DIAPH3: variants seen among roughly 807,000 people sequenced by gnomAD.
DIAPH3 encodes diaphanous related formin 3.
A neutral mutation model predicts 144.3 loss-of-function variants in DIAPH3; 117 were observed. The ratio of observed to expected loss-of-function variants is 0.81; its 90% CI spans 0.70 to 0.95. The LOEUF is 0.95. Among genes scored for constraint, DIAPH3 ranks in the 40% least tolerant of loss-of-function variants. DIAPH3 has a pLI of 0.00. For missense variants in DIAPH3, 1,421 were observed against 1,412.7 expected (o/e 1.01, Z -0.09); for synonymous variants, 519 against 488.9 (o/e 1.06, Z -0.81).
At chr13:59,969,771 CAG>C (rs910591509) in intron 17 of DIAPH3, among the ~76,000 whole-genome samples, 171 bp downstream of exon 17, 10 of 152,092 alleles carry the variant, frequency 6.6e-5, no homozygotes, top group Admixed American at 6.6e-4. Flanking sequence ...ATTTTTAAAA[CAG>C]AATTTACTTT....
chr13:60,057,608 A>G (rs1033951671), intron 4 of DIAPH3, among the ~76,000 whole-genome samples: 3 of 152,034 alleles, frequency 2.0e-5, no homozygotes, highest in Non-Finnish European at 1.5e-5. Flanking sequence ...AGCAAAAACA[A>G]CAAATCTGCA....
intron 27 of DIAPH3, among the ~76,000 whole-genome samples, chr13:59,731,137 T>G (rs1004594390): frequency 1.3e-5 from 2 of 152,192 alleles, no homozygotes; most frequent in Non-Finnish European, 2.9e-5. Context: ...CTGCTGCTTA[T>G]CATATCTTCT....
intron 7 of DIAPH3, 138 bp downstream of exon 7, chr13:60,015,775 T>A: frequency 1.2e-6 from 1 of 803,152 alleles, no homozygotes. Context: ...CAGTTGAAAC[T>A]AGAATTCAAT....
intron 23 of DIAPH3, 185 bp downstream of exon 23, chr13:59,839,139 C>T (rs2042200460): frequency 1.8e-6 from 1 of 568,052 alleles, no homozygotes; most frequent in African/African-American, 1.9e-5. Flanking sequence ...GACAGACAGA[C>T]ATTTGTGTAT....
chr13:60,122,213 C>T (rs148015864), intron 2 of DIAPH3, among the ~76,000 whole-genome samples: 7 of 152,126 alleles, frequency 4.6e-5, no homozygotes, highest in Non-Finnish European at 1.0e-4. Context: ...TAATGAACAA[C>T]CTAGAATCTC....
intron 15 of DIAPH3, 90 bp from the exon 16 acceptor site, chr13:59,971,250 A>C (rs1319969720): frequency 1.6e-6 from 2 of 1,262,970 alleles, no homozygotes; most frequent in African/African-American, 3.0e-5. Context: ...GCATTCATTT[A>C]AACCAAAAAT....
rs533493749 is a variant in DIAPH3 at position 60,125,925 on chromosome 13, AG to A, written c.213+7031del. Among the ~76,000 whole-genome samples the A allele has an allele frequency of 7.9e-5, 12 of 152,304 alleles. No homozygotes were observed. In the South Asian group the frequency reaches 2.3e-3, roughly 29 times the overall value. On this transcript the variant is annotated intron_variant, in intron 2 of 27. Coordinates refer to ENST00000400324, the MANE Select transcript of DIAPH3 (RefSeq NM_001042517.2). ...TCAGAAAGAAACATTGGAAAGGTGA[AG>A]CTACTTTCTAAGAGAATATAAGGAA... is the stretch of plus-strand genomic sequence containing the variant.
chr13:59,965,180 T>C (rs2049978908), intron 17 of DIAPH3, among the ~76,000 whole-genome samples: 1 of 152,278 alleles, frequency 6.6e-6, no homozygotes, highest in African/African-American at 2.4e-5. Context: ...TAAGCTTGAT[T>C]TGTTTTTAAG....
chr13:59,959,033 A>G (rs2049584661), intron 17 of DIAPH3, among the ~76,000 whole-genome samples: 1 of 151,780 alleles, frequency 6.6e-6, no homozygotes, highest in African/African-American at 2.4e-5. Context: ...CCGCCATCAT[A>G]CCCTGCTAAT....
intron 4 of DIAPH3, among the ~76,000 whole-genome samples, chr13:60,083,196 A>G (rs895674081): frequency 6.6e-6 from 1 of 152,080 alleles, no homozygotes; most frequent in Non-Finnish European, 1.5e-5. Context: ...ATCTTCACTA[A>G]AAATAATTGT....
chr13:59,897,104 A>T (rs2046148110), intron 20 of DIAPH3, among the ~76,000 whole-genome samples: 1 of 152,242 alleles, frequency 6.6e-6, no homozygotes, highest in Non-Finnish European at 1.5e-5. Flanking sequence ...AGAAGAGGGT[A>T]TCAAAAGAAG....
At chr13:59,753,939 C>T (rs1258139326) in intron 27 of DIAPH3, among the ~76,000 whole-genome samples, 2 of 152,046 alleles carry the variant, frequency 1.3e-5, no homozygotes, top group South Asian at 2.1e-4. Context: ...AAATTCCATA[C>T]CCTTCTAACC....
intron 21 of DIAPH3, among the ~76,000 whole-genome samples, chr13:59,872,949 T>C (rs1042857295): frequency 6.6e-6 from 1 of 152,236 alleles, no homozygotes; most frequent in Non-Finnish European, 1.5e-5. Context: ...ATTAGAAGAA[T>C]CATTCTCATT....
intron 20 of DIAPH3, 141 bp downstream of exon 20, chr13:59,911,594 C>A: frequency 2.9e-6 from 2 of 685,442 alleles, no homozygotes; most frequent in Non-Finnish European, 2.6e-6. Flanking sequence ...ACATGAATAT[C>A]CTTAAGTTAA....
At chr13:59,952,603 T>C (rs73545338) in intron 17 of DIAPH3, among the ~76,000 whole-genome samples, 12,012 of 152,208 alleles carry the variant, frequency 0.079, 1,404 homozygotes, top group African/African-American at 0.26. Context: ...TTTTAGCATC[T>C]AGGTCCTGAA....
chr13:59,852,893 T>A (rs1279517812), intron 22 of DIAPH3, among the ~76,000 whole-genome samples: 1 of 152,232 alleles, frequency 6.6e-6, no homozygotes, highest in Non-Finnish European at 1.5e-5. Context: ...CAGGCAGATG[T>A]GTGCCAACAA....
intron 25 of DIAPH3, among the ~76,000 whole-genome samples, chr13:59,777,054 T>C (rs2038457254): frequency 6.6e-6 from 1 of 152,180 alleles, no homozygotes; most frequent in African/African-American, 2.4e-5. Flanking sequence ...TAATGACCTC[T>C]CTCGCCCTCA....
intron 5 of DIAPH3, among the ~76,000 whole-genome samples, chr13:60,028,961 A>G (rs1324037773): frequency 6.6e-6 from 1 of 151,902 alleles, no homozygotes; most frequent in Non-Finnish European, 1.5e-5. Flanking sequence ...CAGGAGCCTG[A>G]GGCAGAAGAA....
At chr13:59,769,518 C>CT (rs2038017138) in intron 27 of DIAPH3, among the ~76,000 whole-genome samples, 1 of 152,012 alleles carries the variant, frequency 6.6e-6, no homozygotes. Flanking sequence ...GTGGGGGTGT[C>CT]TTAACCTAGA....
Sources: gnomAD v4.1 joint callset for allele counts (sites outside exome capture counted in the v4.1 genomes callset) on GRCh38, gnomAD v4.1.1 for gene constraint, MANE v1.5 for transcripts, NCBI Gene and HGNC (gene_info 2026-07-23, HGNC 2026-07-21) for gene names.